PKD2: variants seen among roughly 807,000 people sequenced by gnomAD.
PKD2 encodes the protein polycystin-2.
PKD2 carries 48 observed loss-of-function variants against 105.9 expected under a neutral mutation model. The observed-to-expected ratio is 0.45, with a 90% confidence interval of 0.36 to 0.58. PKD2 has a LOEUF of 0.58. Ranked by LOEUF, PKD2 falls within the 20% of genes least tolerant of loss-of-function variation. The probability of loss-of-function intolerance (pLI) is 0.00; values close to 1 mark genes in which losing one functional copy is unlikely to be tolerated. For missense variants in PKD2, 1,078 were observed against 1,255.3 expected (o/e 0.86, Z 2.13); for synonymous variants, 464 against 481.1 (o/e 0.96, Z 0.46).
intron 2 of PKD2, among the ~76,000 whole-genome samples, chr4:88,021,471 T>C (rs1337837003): frequency 6.6e-6 from 1 of 152,246 alleles, no homozygotes; most frequent in Non-Finnish European, 1.5e-5. Flanking sequence ...TTTTATTTCT[T>C]ATGTGAGTAG....
chr4:88,014,210 T>C (rs1726484003), intron 1 of PKD2, among the ~76,000 whole-genome samples: 1 of 152,174 alleles, frequency 6.6e-6, no homozygotes, highest in Non-Finnish European at 1.5e-5. Context: ...CATGGTACCA[T>C]TAACCCAAAC....
intron 7 of PKD2, among the ~76,000 whole-genome samples, chr4:88,055,815 C>A (rs527867866): frequency 1.3e-5 from 2 of 152,280 alleles, no homozygotes; most frequent in South Asian, 4.1e-4. Context: ...CCATTGAACA[C>A]TAACTCCCAA....
intron 2 of PKD2, among the ~76,000 whole-genome samples, chr4:88,028,809 A>C (rs1278421543): frequency 2.6e-5 from 4 of 152,202 alleles, no homozygotes. Context: ...TTAAAGTAAA[A>C]AAATCAGTAA....
In PKD2 at chr4:88,008,252, G is replaced by T. The variant is rs762929169; in HGVS notation, c.519G>T (p.Pro173=). 6.8e-7 allele frequency: 1 copy of T among 1,461,202 alleles called. No individual in the cohort carries two copies. The highest frequency in any genetic ancestry group is 2.4e-5 in the Admixed American group (1 of 41,832). 90.5% of individuals were successfully genotyped at this position (1,461,202 alleles called of 1,614,324 possible). A position where few individuals can be genotyped will look rare whatever the true frequency, so the allele number is the denominator to read the frequency against. The change falls in exon 1 of 15, where the codon CCG becomes CCT. Residue 173 remains proline, a synonymous_variant. Transcript: ENST00000237596. The part of the protein sequence containing the change: ...PCPSPVGGGD[P]LHRHLPLEGQ... The stretch of plus-strand genomic sequence containing the variant: ...CCAGCCCAGTCGGCGGCGGGGACCC[G>T]CTGCATCGCCACCTCCCCCTGGAAG...
chr4:88,014,078 C>T (rs529695892), intron 1 of PKD2, among the ~76,000 whole-genome samples: 14 of 151,988 alleles, frequency 9.2e-5, no homozygotes, highest in African/African-American at 3.1e-4. Context: ...GGAACTAAGG[C>T]ATATGAGCTG....
At chr4:88,042,485 C>G (rs1727603163) in intron 4 of PKD2, among the ~76,000 whole-genome samples, 1 of 152,164 alleles carries the variant, frequency 6.6e-6, no homozygotes, top group Non-Finnish European at 1.5e-5. Context: ...ACAGCCAACC[C>G]ATATGACCAT....
At chr4:88,028,093 A>G (rs1384864812) in intron 2 of PKD2, among the ~76,000 whole-genome samples, 1 of 152,232 alleles carries the variant, frequency 6.6e-6, no homozygotes, top group Non-Finnish European at 1.5e-5. Flanking sequence ...TCATAGTACA[A>G]TATGGTGTAT....
chr4:88,064,056 G>A (rs1720687288), intron 10 of PKD2, among the ~76,000 whole-genome samples: 3 of 152,212 alleles, frequency 2.0e-5, no homozygotes. Flanking sequence ...TCAAGTGGCT[G>A]AGGCACGAGA....
rs2725235 is a variant in PKD2 at position 88,008,535 on chromosome 4, T to C, written c.595+207T>C. Among the ~76,000 whole-genome samples, 118,637 of 152,172 alleles carry C rather than the reference T, an allele frequency of 0.78. 46,358 individuals are homozygous for C. The highest frequency in any genetic ancestry group is 0.82 in the African/African-American group (34,170 of 41,542). On this transcript the variant is annotated intron_variant, in intron 1 of 14. Coordinates refer to ENST00000237596, the MANE Select transcript of PKD2 (RefSeq NM_000297.4). Reference sequence around the variant, plus strand: ...ATTCCACTGCTCTTTTGTTGGTGCATATTTATTGGATACCTCCTTCTTCAG... The same window carrying C: ...ATTCCACTGCTCTTTTGTTGGTGCACATTTATTGGATACCTCCTTCTTCAG...
chr4:88,020,316 G>A (rs1019700866), intron 2 of PKD2, among the ~76,000 whole-genome samples: 11 of 152,004 alleles, frequency 7.2e-5, no homozygotes, highest in Non-Finnish European at 1.6e-4. Flanking sequence ...CCTTCTTTTG[G>A]ATTTGGATAT....
Position 88,036,222 on chromosome 4 carries a change from A to T in PKD2, c.712A>T (p.Thr238Ser), listed in dbSNP as rs145910596. The T allele has an allele frequency of 6.2e-7, 1 of 1,613,710 alleles. No individual in the cohort carries two copies. Among genetic ancestry groups the T allele is most frequent in the East Asian group, 2.2e-5 (1 of 44,880 alleles). ...LLFLIVLCIL[T>S]YGMMSSNVYY... ...ATTTGGATCTTTCTGTGTTCCAGTG[A>T]CCTACGGCATGATGAGCTCCAATGT... is the stretch of plus-strand genomic sequence containing the variant. The change falls in exon 3 of 15, where the codon ACC becomes TCC. Residue 238 changes from threonine to serine, a missense_variant and splice_region_variant. Coordinates refer to ENST00000237596, the MANE Select transcript of PKD2 (RefSeq NM_000297.4).
Position 88,074,758 on chromosome 4 carries a change from G to A in PKD2, c.2523-54G>A, listed in dbSNP as rs1355575411. 5.6e-6 allele frequency: 9 copies of A among 1,599,900 alleles called. No individual in the cohort carries two copies. In the East Asian group the frequency reaches 1.6e-4, roughly 28 times the overall value. The stretch of plus-strand genomic sequence containing the variant: ...CACTTCCTTTTGAAAAGCCAGTGGG[G>A]CTGAAAAGACAATGACAAGCACTTT... On this transcript the variant is annotated intron_variant, in intron 13 of 14. Coordinates refer to ENST00000237596, the MANE Select transcript of PKD2 (RefSeq NM_000297.4).
intron 7 of PKD2, among the ~76,000 whole-genome samples, chr4:88,052,601 A>T (rs922631248): frequency 7.2e-5 from 11 of 152,058 alleles, no homozygotes; most frequent in African/African-American, 2.4e-4. Context: ...AACTATTGAG[A>T]CTCATGTGAT....
At position 88,043,338 on chromosome 4, in the gene PKD2, G is replaced by T; in HGVS notation, c.1200G>T (p.Glu400Asp). ...GYYLDLSRTR[E>D]ETAAQVASLK... ...ATCTGGATTTGTCAAGAACAAGAGA[G>T]GAAACAGCTGCACAAGTTGCTAGCC... The change falls in exon 5 of 15, where the codon GAG becomes GAT. Residue 400 changes from glutamate (E) to aspartate (D), a missense_variant. Physicochemically the swap from Glu to Asp is conservative, Grantham distance 45. Transcript: ENST00000237596. 6.2e-7 allele frequency: 1 copy of T among 1,613,860 alleles called. No individual in the cohort carries two copies. Among genetic ancestry groups the T allele is most frequent in the Non-Finnish European group, 8.5e-7 (1 of 1,179,790 alleles).
rs1032047623 is a variant in PKD2 at position 88,020,838 on chromosome 4, C to A, written c.709+1267C>A. The stretch of plus-strand genomic sequence containing the variant: ...CCACGTAGCTGGGACTACAGCTGCA[C>A]ACCACCATGCCCAGCTAACTTTTAA... On this transcript the variant is annotated intron_variant, in intron 2 of 14. Transcript: ENST00000237596. 2.2e-4 allele frequency among the ~76,000 whole-genome samples: 33 copies of A among 152,156 alleles called. 1 individual carries two copies. Among genetic ancestry groups the A allele is most frequent in the Admixed American group, 3.9e-4 (6 of 15,292 alleles).
rs190546414 is a variant in PKD2, at chr4:88,023,654, C to G, written c.709+4083C>G. Among the ~76,000 whole-genome samples, 3 of 152,304 alleles carry G rather than the reference C, an allele frequency of 2.0e-5. No homozygotes were observed. The East Asian group carries it at 5.8e-4, about 29-fold the overall frequency. ...AATGTGGGCAAGTTAATTAACATTT[C>G]TAAGCCTTTGTTTCCTCACTGGTAA... On this transcript the variant is annotated intron_variant, in intron 2 of 14. Transcript: ENST00000237596.
At chr4:88,035,151 G>C (rs888317029) in intron 2 of PKD2, among the ~76,000 whole-genome samples, 2 of 152,332 alleles carry the variant, frequency 1.3e-5, no homozygotes, top group East Asian at 3.9e-4. Context: ...TAAGCAACTT[G>C]CACAGGTCAC....
At chr4:88,056,021 T>C (rs556147022) in intron 7 of PKD2, 65 bp from the exon 8 acceptor site, 1 of 1,013,338 alleles carries the variant, frequency 9.9e-7, no homozygotes, top group African/African-American at 1.6e-5. Context: ...AAATAATGTT[T>C]TATTATATAC....
In PKD2 at chr4:88,065,609, C is replaced by T. The variant is rs1282890679; in HGVS notation, c.2240+114C>T. On this transcript the variant is annotated intron_variant, in intron 11 of 14. Transcript: ENST00000237596. ...ATACAGATACTTTTTTTTTTTTTTTCCAGAGGCAGGTATCTTTCTGGAACA... is the reference window on the plus strand; with the variant it reads ...ATACAGATACTTTTTTTTTTTTTTTTCAGAGGCAGGTATCTTTCTGGAACA... The T allele has an allele frequency of 4.0e-3, 4,057 of 1,013,134 alleles. 6 individuals carry two copies. The highest frequency in any genetic ancestry group is 5.2e-3 in the Non-Finnish European group (3,502 of 673,130). 62.8% of individuals were successfully genotyped at this position (1,013,134 alleles called of 1,614,324 possible). A position where few individuals can be genotyped will look rare whatever the true frequency, so the allele number is the denominator to read the frequency against.
Sources: gnomAD v4.1 joint callset for allele counts (sites outside exome capture counted in the v4.1 genomes callset) on GRCh38, gnomAD v4.1.1 for gene constraint, MANE v1.5 for transcripts, NCBI Gene and HGNC (gene_info 2026-07-23, HGNC 2026-07-21) for gene names.